ARHGAP6: variants seen among roughly 807,000 people sequenced by gnomAD.
The protein encoded by ARHGAP6 is Rho GTPase activating protein 6.
ARHGAP6 carries 16 observed loss-of-function variants against 55.7 expected under a neutral mutation model. That is an observed-to-expected ratio of 0.29 (90% CI 0.19 to 0.44). The LOEUF (loss-of-function observed/expected upper bound fraction) is 0.44. ARHGAP6 is among the 20% of genes least tolerant of loss of function. ARHGAP6 has a pLI of 1.00. For synonymous variants in ARHGAP6, 382 were observed against 360.9 expected (o/e 1.06, Z -0.66); for missense variants, 698 against 808.9 (o/e 0.86, Z 1.66).
rs1230139588 is a variant in ARHGAP6 at position 11,230,327 on chromosome X, A to G, written c.748+24221T>C. ...ATTCTCCTCCCTCAGCCTCCCGAGT[A>G]GCTGGGACTACAGGCACACGCCACC... On this transcript the variant is annotated intron_variant, in intron 2 of 12. Transcript: ENST00000337414. Among the ~76,000 whole-genome samples the G allele has an allele frequency of 9.0e-5, 10 of 111,269 alleles. No individual in the cohort carries two copies. In the Admixed American group the frequency reaches 9.6e-4, roughly 11 times the overall value.
At chrX:11,370,977 T>G (rs2049137260) in intron 1 of ARHGAP6, among the ~76,000 whole-genome samples, 1 of 112,204 alleles carries the variant, frequency 8.9e-6, no homozygotes, top group Non-Finnish European at 1.9e-5. Flanking sequence ...GGCCTACTTA[T>G]AGAAATAGTA....
Position 11,169,811 on chromosome X carries a change from T to C in ARHGAP6, c.1630-127A>G, listed in dbSNP as rs1017874581. 8.3e-6 allele frequency: 4 copies of C among 484,348 alleles called. No individual in the cohort carries two copies. The African/African-American group carries it at 1.0e-4, about 12-fold the overall frequency. 39.9% of individuals were successfully genotyped at this position (484,348 alleles called of 1,213,427 possible). A position where few individuals can be genotyped will look rare whatever the true frequency, so the allele number is the denominator to read the frequency against. On this transcript the variant is annotated intron_variant, in intron 8 of 12. Coordinates refer to ENST00000337414, the MANE Select transcript of ARHGAP6 (RefSeq NM_013427.3). ...AATCCTGCAAGGATGCCATCCTCTC[T>C]GTCAGAATCCATGGAGGGCATCATT...
chrX:11,428,062 G>A (rs753746024), intron 1 of ARHGAP6, among the ~76,000 whole-genome samples: 3 of 112,806 alleles, frequency 2.7e-5, no homozygotes, highest in Middle Eastern at 4.6e-3. Context: ...CTGCTGAGGC[G>A]GGGACTGCCA....
chrX:11,567,923 C>T (rs1389478692), intron 1 of ARHGAP6, among the ~76,000 whole-genome samples: 2 of 111,266 alleles, frequency 1.8e-5, no homozygotes, highest in African/African-American at 3.3e-5. Flanking sequence ...AGCAATTATC[C>T]TGCCTCAGCC....
chrX:11,324,928 G>A (rs111671202), intron 1 of ARHGAP6, among the ~76,000 whole-genome samples: 1 of 112,139 alleles, frequency 8.9e-6, no homozygotes, highest in Non-Finnish European at 1.9e-5. Context: ...GCGCAATCTC[G>A]ACTCACTGCA....
chrX:11,151,672 A>T (rs904717371), intron 10 of ARHGAP6, among the ~76,000 whole-genome samples: 7 of 112,420 alleles, frequency 6.2e-5, no homozygotes, highest in African/African-American at 1.9e-4. Context: ...CAAAATATTA[A>T]GTTCCCAAAT....
rs772378219 is a variant in ARHGAP6 at position 11,215,861 on chromosome X, G to A, written c.749-18865C>T. On this transcript the variant is annotated intron_variant, in intron 2 of 12. Transcript: ENST00000337414. ...CCCCCAGCCCCTATGTTGCTTTGGAGTTCACCTTGCACGTGCTAAGATGCC... is the reference window on the plus strand; with the variant it reads ...CCCCCAGCCCCTATGTTGCTTTGGAATTCACCTTGCACGTGCTAAGATGCC... Among the ~76,000 whole-genome samples the A allele has an allele frequency of 2.7e-5, 3 of 112,490 alleles. No homozygotes were observed. The Admixed American group carries it at 2.8e-4, about 11-fold the overall frequency.
At chrX:11,187,574 T>C (rs920159268) in intron 4 of ARHGAP6, among the ~76,000 whole-genome samples, 1 of 112,347 alleles carries the variant, frequency 8.9e-6, no homozygotes, top group Non-Finnish European at 1.9e-5. Flanking sequence ...TTTTTAAACA[T>C]AGTCAATACT....
At chrX:11,290,810 C>G (rs756297837) in intron 1 of ARHGAP6, among the ~76,000 whole-genome samples, 2 of 112,046 alleles carry the variant, frequency 1.8e-5, no homozygotes, top group East Asian at 5.6e-4. Context: ...ACCCTCCCAG[C>G]AGTCAAAAAT....
At chrX:11,635,679 T>C (rs995125991) in intron 1 of ARHGAP6, among the ~76,000 whole-genome samples, 8 of 111,376 alleles carry the variant, frequency 7.2e-5, no homozygotes, top group African/African-American at 2.6e-4. Flanking sequence ...CTGTATAAGA[T>C]TATAAACCCA....
chrX:11,253,403 A>G (rs773237440), intron 2 of ARHGAP6, among the ~76,000 whole-genome samples: 3 of 111,459 alleles, frequency 2.7e-5, no homozygotes, highest in Non-Finnish European at 3.8e-5. Context: ...AAAACAAAGT[A>G]GAAGAGAAGT....
intron 1 of ARHGAP6, among the ~76,000 whole-genome samples, chrX:11,575,466 A>G (rs2051585171): frequency 8.9e-6 from 1 of 111,761 alleles, no homozygotes; most frequent in Non-Finnish European, 1.9e-5. Context: ...TGAATTTAGA[A>G]CTGGCTTAGT....
intron 1 of ARHGAP6, among the ~76,000 whole-genome samples, chrX:11,419,291 A>G (rs2049791349): frequency 8.9e-6 from 1 of 111,749 alleles, no homozygotes; most frequent in Non-Finnish European, 1.9e-5. Flanking sequence ...TCATTCCTCA[A>G]ATTAAGCCTT....
chrX:11,141,230 T>TA (rs999021761), intron 12 of ARHGAP6, among the ~76,000 whole-genome samples: 7 of 111,741 alleles, frequency 6.3e-5, no homozygotes, highest in Non-Finnish European at 1.3e-4. Flanking sequence ...CCAGATGGAT[T>TA]AAAAAAATTA....
At chrX:11,326,843 T>C (rs1417096507) in intron 1 of ARHGAP6, among the ~76,000 whole-genome samples, 1 of 112,077 alleles carries the variant, frequency 8.9e-6, no homozygotes, top group Non-Finnish European at 1.9e-5. Flanking sequence ...TGAGTAAAAT[T>C]TTTCTTCAAT....
intron 1 of ARHGAP6, chrX:11,298,638 C>A: frequency 8.3e-7 from 1 of 1,211,436 alleles, no homozygotes; most frequent in Non-Finnish European, 1.1e-6. Flanking sequence ...GACTCACACC[C>A]TGCAGCCTCA....
intron 1 of ARHGAP6, among the ~76,000 whole-genome samples, chrX:11,488,780 G>T (rs1441535749): frequency 9.0e-6 from 1 of 111,376 alleles, no homozygotes; most frequent in African/African-American, 3.3e-5. Context: ...AGTGCCTGAT[G>T]ATCTGAGGTG....
At chrX:11,260,808 A>C (rs751401667) in intron 1 of ARHGAP6, among the ~76,000 whole-genome samples, 2 of 111,991 alleles carry the variant, frequency 1.8e-5, no homozygotes, top group South Asian at 7.5e-4. Flanking sequence ...CTTTTGGCCC[A>C]CTGGCTGTTG....
intron 2 of ARHGAP6, among the ~76,000 whole-genome samples, chrX:11,236,546 CAT>C (rs1410541344): frequency 4.5e-5 from 5 of 111,263 alleles, no homozygotes; most frequent in Non-Finnish European, 9.4e-5. Flanking sequence ...CCCAAGGTAA[CAT>C]AGAGTTAGAG....
Sources: allele counts gnomAD v4.1 joint callset (sites outside exome capture counted in the v4.1 genomes callset), GRCh38; gene constraint gnomAD v4.1.1; transcripts MANE v1.5; gene names NCBI Gene and HGNC (gene_info 2026-07-23, HGNC 2026-07-21).